Variants in DOK6 observed in about 807,000 individuals in gnomAD.
DOK6 encodes docking protein 6.
DOK6 carries 22 observed loss-of-function variants against 44.0 expected under a neutral mutation model. That is an observed-to-expected ratio of 0.50 (90% CI 0.36 to 0.71). The LOEUF is 0.71. DOK6 is among the 30% of genes least tolerant of loss of function. The pLI, the probability that DOK6 is intolerant of heterozygous loss-of-function variation, is 0.00. For missense variants in DOK6, 340 were observed against 416.4 expected, an observed-to-expected ratio of 0.82 and a Z score of 1.60; for synonymous variants, 166 against 145.5, an observed-to-expected ratio of 1.14 and a Z score of -1.01.
Position 69,677,745 on chromosome 18 carries a change from G to A in DOK6, c.301G>A (p.Glu101Lys), listed in dbSNP as rs759404778. The A allele has an allele frequency of 6.2e-6, 10 of 1,613,364 alleles. No homozygotes were observed. The highest frequency in any genetic ancestry group is 1.7e-5 in the Admixed American group (1 of 59,998). The change falls in exon 4 of 8, where the codon GAG becomes AAG. Residue 101 changes from glutamate to lysine, a missense_variant. This residue lies in a region of DOK6 where 206 missense variants were observed against 258.6 expected (regional missense o/e 0.80). Transcript: ENST00000382713. Reference protein sequence around the residue: ...TFACESELEAEEWCKHLCMEC... With the variant: ...TFACESELEAKEWCKHLCMEC... Reference sequence around the variant, plus strand: ...GTGGTTACTTTCAGAGCTGGAGGCCGAGGAGTGGTGCAAGCACCTCTGCAT... The same window carrying A: ...GTGGTTACTTTCAGAGCTGGAGGCCAAGGAGTGGTGCAAGCACCTCTGCAT...
intron 6 of DOK6, among the ~76,000 whole-genome samples, chr18:69,755,490 G>T (rs571471267): frequency 4.6e-5 from 7 of 152,356 alleles, no homozygotes; most frequent in Admixed American, 2.0e-4. Context: ...TCTATGGATT[G>T]TTGTTATTAA....
At chr18:69,690,801 TCTGGTCTTTTGCCTAAATAC>T (rs1218427394) in intron 4 of DOK6, among the ~76,000 whole-genome samples, 1 of 152,232 alleles carries the variant, frequency 6.6e-6, no homozygotes, top group Non-Finnish European at 1.5e-5. Context: ...GACTAATGTC[TCTGGTCTTTTGCCTAAATAC>T]CATTTAGTAG....
chr18:69,464,243 A>G (rs1979866504), intron 1 of DOK6, among the ~76,000 whole-genome samples: 1 of 152,220 alleles, frequency 6.6e-6, no homozygotes, highest in Non-Finnish European at 1.5e-5. Flanking sequence ...TATTTGTCCC[A>G]TATCCTGATG....
At chr18:69,447,866 G>T (rs568174677) in intron 1 of DOK6, among the ~76,000 whole-genome samples, 2 of 152,210 alleles carry the variant, frequency 1.3e-5, no homozygotes, top group African/African-American at 4.8e-5. Flanking sequence ...TGGTTATATT[G>T]CCTGTTATAT....
intron 5 of DOK6, among the ~76,000 whole-genome samples, chr18:69,728,323 A>T (rs1978321656): frequency 6.6e-6 from 1 of 151,796 alleles, no homozygotes; most frequent in Admixed American, 6.6e-5. Flanking sequence ...ATGCTTTCTA[A>T]TTTTTTTCCC....
intron 3 of DOK6, among the ~76,000 whole-genome samples, chr18:69,625,343 A>G (rs767286315): frequency 2.6e-5 from 4 of 152,224 alleles, no homozygotes; most frequent in South Asian, 2.1e-4. Context: ...AAGTAAATCT[A>G]TGGTTTGCTT....
At chr18:69,532,523 G>T (rs1982013049) in intron 1 of DOK6, among the ~76,000 whole-genome samples, 1 of 152,120 alleles carries the variant, frequency 6.6e-6, no homozygotes. Context: ...AATAACTTGG[G>T]TAATATTTTT....
intron 7 of DOK6, among the ~76,000 whole-genome samples, chr18:69,822,696 C>T (rs1026584884): frequency 2.0e-5 from 3 of 152,198 alleles, no homozygotes; most frequent in African/African-American, 7.2e-5. Context: ...ACAAGGCAGT[C>T]ATTGCCTTTG....
rs561637116 is a variant in DOK6, at chr18:69,497,798, A to C, written c.67-66689A>C. ...AATATAAAACAGTGTTAAAATTAAA[A>C]CTTGAGATGTGTTACTTCATTCTAT... On this transcript the variant is annotated intron_variant, in intron 1 of 7. Transcript: ENST00000382713. Among the ~76,000 whole-genome samples, 3 of 152,310 alleles carry C rather than the reference A, an allele frequency of 2.0e-5. No individual in the cohort carries two copies. In the South Asian group the frequency reaches 6.2e-4, roughly 32 times the overall value.
intron 7 of DOK6, among the ~76,000 whole-genome samples, chr18:69,840,361 C>T (rs1276091444): frequency 1.3e-5 from 2 of 152,246 alleles, no homozygotes; most frequent in African/African-American, 4.8e-5. Flanking sequence ...ACAAGTCATT[C>T]TCAAGTATGA....
chr18:69,510,674 A>G (rs1981342748), intron 1 of DOK6, among the ~76,000 whole-genome samples: 1 of 152,208 alleles, frequency 6.6e-6, no homozygotes, highest in Admixed American at 6.5e-5. Context: ...TGTCTTTACT[A>G]AAATGTATAA....
At chr18:69,826,622 C>T (rs1256964774) in intron 7 of DOK6, among the ~76,000 whole-genome samples, 1 of 152,090 alleles carries the variant, frequency 6.6e-6, no homozygotes, top group Non-Finnish European at 1.5e-5. Context: ...TCATGAATCT[C>T]TGATCTCTTA....
At chr18:69,592,465 C>T (rs975191671) in intron 2 of DOK6, among the ~76,000 whole-genome samples, 1 of 151,868 alleles carries the variant, frequency 6.6e-6, no homozygotes, top group South Asian at 2.1e-4. Context: ...CTACTAGCAC[C>T]GTGAATTGCT....
At chr18:69,513,109 AAC>A (rs1460333515) in intron 1 of DOK6, among the ~76,000 whole-genome samples, 14 of 124,214 alleles carry the variant, frequency 1.1e-4, no homozygotes, top group Admixed American at 2.5e-4. Context: ...TACTTAAAAT[AAC>A]AAAGCTCGTT....
intron 1 of DOK6, among the ~76,000 whole-genome samples, chr18:69,452,311 A>G (rs1042988562): frequency 1.8e-4 from 28 of 151,476 alleles, no homozygotes; most frequent in African/African-American, 6.8e-4. Flanking sequence ...TAGAAAATCT[A>G]GAAGAAATGG....
intron 7 of DOK6, among the ~76,000 whole-genome samples, chr18:69,793,325 C>T (rs1252316395): frequency 1.3e-5 from 2 of 152,134 alleles, no homozygotes; most frequent in Non-Finnish European, 2.9e-5. Context: ...CTGTCCTAGG[C>T]ATATACTGTT....
At chr18:69,736,947 C>G (rs988070537) in intron 5 of DOK6, among the ~76,000 whole-genome samples, 1 of 152,168 alleles carries the variant, frequency 6.6e-6, no homozygotes, top group Non-Finnish European at 1.5e-5. Flanking sequence ...TCTGGACAAG[C>G]TCCCAGGGAG....
intron 3 of DOK6, among the ~76,000 whole-genome samples, chr18:69,673,639 C>T (rs559813046): frequency 1.3e-5 from 2 of 152,320 alleles, no homozygotes; most frequent in African/African-American, 4.8e-5. Flanking sequence ...CTCTAGTCTC[C>T]ATTTGTCTTA....
intron 2 of DOK6, among the ~76,000 whole-genome samples, chr18:69,568,368 T>C (rs550581431): frequency 2.6e-5 from 4 of 152,324 alleles, no homozygotes; most frequent in African/African-American, 7.2e-5. Context: ...CGGCCTGTAC[T>C]TGACCAAAGC....
Sources: allele counts gnomAD v4.1 joint callset (sites outside exome capture counted in the v4.1 genomes callset), GRCh38; gene constraint gnomAD v4.1.1; regional missense constraint gnomAD v4.1.1; transcripts MANE v1.5; gene names NCBI Gene and HGNC (gene_info 2026-07-23, HGNC 2026-07-21).